Variants in ZBBX observed in about 807,000 individuals in gnomAD.
ZBBX encodes zinc finger B-box domain containing.
Under a neutral mutation model 108.5 loss-of-function variants are expected in ZBBX, and 101 were observed. The observed-to-expected ratio is 0.93, with a 90% CI of 0.79 to 1.10. The LOEUF (loss-of-function observed/expected upper bound fraction) is 1.10, where lower values mean the gene tolerates loss of function less well. Ranked by LOEUF, ZBBX falls within the 50% of genes least tolerant of loss-of-function variation. The pLI, the probability that ZBBX is intolerant of heterozygous loss-of-function variation, is 0.00. For missense variants in ZBBX, 1,009 were observed against 941.4 expected (o/e 1.07, Z -0.94); for synonymous variants, 356 against 323.4 (o/e 1.10, Z -1.08).
At chr3:167,403,405 A>G (rs568673446) in intron 1 of ZBBX, among the ~76,000 whole-genome samples, 76 of 152,282 alleles carry the variant, frequency 5.0e-4, no homozygotes, top group Admixed American at 1.4e-3. Flanking sequence ...ATTTGTTGCC[A>G]TCATATCTGC....
the ZBBX span, among the ~76,000 whole-genome samples, chr3:167,194,249 T>G: frequency 6.7e-6 from 1 of 149,486 alleles, no homozygotes; most frequent in South Asian, 2.1e-4. Flanking sequence ...TATATATATA[T>G]ATGTATATTC....
intron 6 of ZBBX, among the ~76,000 whole-genome samples, chr3:167,362,470 TCTC>T (rs1231853834): frequency 6.6e-6 from 1 of 151,962 alleles, no homozygotes; most frequent in East Asian, 1.9e-4. Context: ...AGCCCAAACT[TCTC>T]CTACAGTCAT....
intron 1 of ZBBX, chr3:167,401,458 T>C (rs1318915906): frequency 6.6e-6 from 1 of 152,102 alleles, no homozygotes; most frequent in Non-Finnish European, 1.5e-5. Context: ...GAACAAAAAA[T>C]GGCTACCCTA....
chr3:167,185,979 G>A, the ZBBX span, among the ~76,000 whole-genome samples: 1 of 151,546 alleles, frequency 6.6e-6, no homozygotes, highest in East Asian at 1.9e-4. Context: ...TTTCCTCTTG[G>A]GGTAAATTTC....
Position 167,307,550 on chromosome 3 carries a change from T to C in ZBBX, c.1418-1600A>G, listed in dbSNP as rs1447581047. ...AAAAAGAGCAAAACTGGAGGCATCA[T>C]GCTACCCAACTTCAAACTATACTGA... On this transcript the variant is annotated intron_variant, in intron 16 of 21. Coordinates refer to ENST00000675490, the MANE Select transcript of ZBBX (RefSeq NM_001199201.2). Among the ~76,000 whole-genome samples the C allele has an allele frequency of 2.0e-5, 3 of 152,132 alleles. No individual in the cohort carries two copies. The East Asian group carries it at 5.8e-4, about 29-fold the overall frequency.
At chr3:167,374,156 T>C (rs12497489) in intron 2 of ZBBX, among the ~76,000 whole-genome samples, 16,112 of 152,098 alleles carry the variant, frequency 0.11, 866 homozygotes, top group African/African-American at 0.14. Context: ...TATATATGGT[T>C]ATATAAAATG....
At chr3:167,304,307 T>C (rs1308547375) in intron 17 of ZBBX, among the ~76,000 whole-genome samples, 1 of 152,168 alleles carries the variant, frequency 6.6e-6, no homozygotes, top group Non-Finnish European at 1.5e-5. Context: ...GATTCCTCAC[T>C]TATTACACAG....
At chr3:167,323,153 G>A (rs896987662) in intron 11 of ZBBX, among the ~76,000 whole-genome samples, 6 of 148,140 alleles carry the variant, frequency 4.1e-5, no homozygotes, top group African/African-American at 1.2e-4. Context: ...AAGGACATGA[G>A]CAAGTCATGA....
chr3:167,332,923 T>C (rs1274097433), intron 10 of ZBBX, among the ~76,000 whole-genome samples: 3 of 152,122 alleles, frequency 2.0e-5, no homozygotes, highest in Non-Finnish European at 4.4e-5. Context: ...AAGGAGATAA[T>C]GTGTAAAATA....
chr3:167,198,784 C>T, the ZBBX span, among the ~76,000 whole-genome samples: 1 of 152,156 alleles, frequency 6.6e-6, no homozygotes, highest in Non-Finnish European at 1.5e-5. Context: ...AACGCACCTT[C>T]AAAAGTGCTT....
At chr3:167,334,565 C>T (rs1326154115) in intron 9 of ZBBX, among the ~76,000 whole-genome samples, 1 of 152,036 alleles carries the variant, frequency 6.6e-6, no homozygotes, top group Non-Finnish European at 1.5e-5. Context: ...CAGAGCAACA[C>T]TCCATCTCGA....
At chr3:167,264,804 C>A (rs948995193) in intron 20 of ZBBX, among the ~76,000 whole-genome samples, 6 of 152,200 alleles carry the variant, frequency 3.9e-5, no homozygotes, top group African/African-American at 1.4e-4. Flanking sequence ...CAAAGTCCTT[C>A]CCACTCTTCT....
chr3:167,355,939 G>A, intron 8 of ZBBX, among the ~76,000 whole-genome samples: 1 of 151,894 alleles, frequency 6.6e-6, no homozygotes, highest in East Asian at 1.9e-4. Flanking sequence ...TCCAGCCAAG[G>A]CACCTGCTGC....
At chr3:167,191,195 A>G in the ZBBX span, among the ~76,000 whole-genome samples, 1 of 152,244 alleles carries the variant, frequency 6.6e-6, no homozygotes, top group East Asian at 1.9e-4. Context: ...TAAAGAATCA[A>G]GAGAAACAAT....
chr3:167,381,799 A>G (rs142561183), upstream of ZBBX, among the ~76,000 whole-genome samples: 589 of 152,352 alleles, frequency 3.9e-3, 8 homozygotes, highest in African/African-American at 0.013. Flanking sequence ...ATTTTCAAAT[A>G]TATTTTAACA....
chr3:167,393,773 T>C (rs1000138079), intron 1 of ZBBX, among the ~76,000 whole-genome samples: 1 of 151,904 alleles, frequency 6.6e-6, no homozygotes, highest in African/African-American at 2.4e-5. Context: ...TCTATTTTAT[T>C]GAACTATTAG....
At chr3:167,192,436 T>C in the ZBBX span, among the ~76,000 whole-genome samples, 5 of 152,180 alleles carry the variant, frequency 3.3e-5, no homozygotes, top group Admixed American at 6.5e-5. Context: ...TTTCAGGACT[T>C]TGAAAACATC....
chr3:167,402,620 C>T lies in ZBBX; in HGVS notation c.-446+5106G>A, dbSNP rs1381724041. 2.6e-5 allele frequency among the ~76,000 whole-genome samples: 4 copies of T among 151,904 alleles called. No individual in the cohort carries two copies. The East Asian group carries it at 7.8e-4, about 29-fold the overall frequency. On this transcript the variant is annotated intron_variant, in intron 1 of 21. Transcript: ENST00000455345. ...AGGGAAAAAAATCACCAAAAGCAAA[C>T]CACAGATGATCCAGATACTGGAATT...
intron 7 of ZBBX, 102 bp downstream of exon 7, chr3:167,360,573 T>C: frequency 1.5e-6 from 1 of 655,676 alleles, no homozygotes; most frequent in Non-Finnish European, 2.2e-6. Context: ...TTAGAATCTT[T>C]ATACTGCCCG....
Sources: gnomAD v4.1 joint callset for allele counts (sites outside exome capture counted in the v4.1 genomes callset) on GRCh38, gnomAD v4.1.1 for gene constraint, MANE v1.5 for transcripts, NCBI Gene and HGNC (gene_info 2026-07-23, HGNC 2026-07-21) for gene names.